Variants in HAUS6 observed in about 807,000 individuals in gnomAD.
The protein encoded by HAUS6 is HAUS augmin-like complex subunit 6.
In HAUS6, 80 loss-of-function variants were observed where a neutral mutation model predicts 106.8. The observed-to-expected ratio is 0.75, with a 90% CI of 0.63 to 0.90. The LOEUF (loss-of-function observed/expected upper bound fraction) is 0.90. Ranked by LOEUF, HAUS6 falls within the 40% of genes least tolerant of loss-of-function variation. HAUS6 has a pLI of 0.00. For missense variants in HAUS6, 1,155 were observed against 1,118.1 expected (o/e 1.03, Z -0.47); for synonymous variants, 356 against 379.1 (o/e 0.94, Z 0.71).
At chr9:19,081,152 C>G (rs1456777447) in intron 8 of HAUS6, among the ~76,000 whole-genome samples, 1 of 151,894 alleles carries the variant, frequency 6.6e-6, no homozygotes, top group East Asian at 1.9e-4. Context: ...AATTTTGGCC[C>G]AGTGAAAACT....
chr9:19,061,677 A>G (rs1023809944), intron 14 of HAUS6, among the ~76,000 whole-genome samples: 6 of 152,296 alleles, frequency 3.9e-5, no homozygotes, highest in South Asian at 4.1e-4. Context: ...TCTACAAAAA[A>G]TAAAAAACTT....
rs534828744 is a variant in HAUS6 at position 19,081,384 on chromosome 9, C to T, written c.871-712G>A. 2.0e-5 allele frequency among the ~76,000 whole-genome samples: 3 copies of T among 152,156 alleles called. No individual in the cohort carries two copies. The South Asian group carries it at 6.2e-4, about 32-fold the overall frequency. On this transcript the variant is annotated intron_variant, in intron 8 of 16. Transcript: ENST00000380502. The stretch of plus-strand genomic sequence containing the variant: ...TCTGTACTTAAATATGTTTCTTTGG[C>T]TTGCACATTTCTATGTCTTAAAATC...
intron 12 of HAUS6, among the ~76,000 whole-genome samples, chr9:19,066,553 C>T (rs528281597): frequency 1.4e-4 from 21 of 151,914 alleles, no homozygotes; most frequent in African/African-American, 2.9e-4. Flanking sequence ...GCATCATTAC[C>T]GTTAGAAATA....
chr9:19,064,787 C>T (rs1836724174), intron 12 of HAUS6, among the ~76,000 whole-genome samples: 1 of 152,226 alleles, frequency 6.6e-6, no homozygotes, highest in South Asian at 2.1e-4. Context: ...ACTGCAATCA[C>T]TCAAGCTTCA....
chr9:19,057,667 G>A (rs1231986074), intron 16 of HAUS6: 3 of 390,122 alleles, frequency 7.7e-6, no homozygotes, highest in East Asian at 7.4e-5. Context: ...CCTTCCACTG[G>A]GCAAGATTTT....
intron 5 of HAUS6, 39 bp from the exon 6 acceptor site, chr9:19,087,195 T>C: frequency 6.5e-6 from 7 of 1,072,930 alleles, no homozygotes; most frequent in Non-Finnish European, 1.0e-5. Context: ...ATAATACCAT[T>C]ACGATTAATT....
Position 19,056,167 on chromosome 9 carries a change from C to T in HAUS6, c.*176G>A, listed in dbSNP as rs906513703. The T allele has an allele frequency of 4.6e-5, 23 of 499,178 alleles. No individual in the cohort carries two copies. The highest frequency in any genetic ancestry group is 7.1e-5 in the Non-Finnish European group (20 of 281,032). 30.9% of individuals were successfully genotyped at this position (499,178 alleles called of 1,614,324 possible). A position where few individuals can be genotyped will look rare whatever the true frequency, so the allele number is the denominator to read the frequency against. On this transcript the variant is annotated 3_prime_UTR_variant, in exon 17 of 17. Transcript: ENST00000380502. ...ATATACCTACAAAGAGGAAAAAATC[C>T]AAACATACTTTCCTTACCTAAAAAT...
In HAUS6 at chr9:19,054,070, C is replaced by T. The variant is rs113936661; in HGVS notation, c.*2273G>A. ...AAAAGCGTGGATTAAGACTTCAAGA[C>T]GGAAGTGAGATTTTTTTCTGAGGCT... is the stretch of plus-strand genomic sequence containing the variant. On this transcript the variant is annotated 3_prime_UTR_variant, in exon 17 of 17. Transcript: ENST00000380502. 2.0e-5 allele frequency: 3 copies of T among 152,170 alleles called. No individual in the cohort carries two copies. Among genetic ancestry groups the T allele is most frequent in the Non-Finnish European group, 1.5e-5 (1 of 68,014 alleles). The allele number at this position is 152,170 out of a possible 1,614,324, so 9.4% of individuals were successfully genotyped here.
intron 2 of HAUS6, among the ~76,000 whole-genome samples, chr9:19,096,037 G>A (rs1294720113): frequency 1.3e-5 from 2 of 151,954 alleles, no homozygotes; most frequent in Non-Finnish European, 2.9e-5. Context: ...AAGTTCATAC[G>A]GATTGATATC....
intron 1 of HAUS6, among the ~76,000 whole-genome samples, chr9:19,101,178 T>A (rs988089309): frequency 6.6e-6 from 1 of 152,224 alleles, no homozygotes; most frequent in African/African-American, 2.4e-5. Flanking sequence ...TGTATAAGTG[T>A]ATCAAAATAT....
intron 7 of HAUS6, among the ~76,000 whole-genome samples, chr9:19,084,802 T>A (rs1375715490): frequency 6.6e-6 from 1 of 152,076 alleles, no homozygotes; most frequent in Non-Finnish European, 1.5e-5. Flanking sequence ...CAGACTACTT[T>A]TTTATTTTTG....
intron 15 of HAUS6, among the ~76,000 whole-genome samples, chr9:19,059,746 C>A (rs1366652224): frequency 6.6e-6 from 1 of 152,026 alleles, no homozygotes; most frequent in African/African-American, 2.4e-5. Context: ...CAGAACACAG[C>A]CTATGTACTC....
intron 15 of HAUS6, 43 bp downstream of exon 15, chr9:19,060,045 T>C (rs1033521802): frequency 2.6e-5 from 39 of 1,519,404 alleles, no homozygotes; most frequent in Non-Finnish European, 3.3e-5. Context: ...ACAGTGGTTA[T>C]GTCGATGAAA....
At chr9:19,100,597 G>A (rs1564024063) in intron 1 of HAUS6, among the ~76,000 whole-genome samples, 1 of 152,150 alleles carries the variant, frequency 6.6e-6, no homozygotes, top group South Asian at 2.1e-4. Flanking sequence ...CAAAAGGAAG[G>A]AGATCAGTAT....
chr9:19,077,784 G>C (rs1837043696), intron 10 of HAUS6, among the ~76,000 whole-genome samples: 2 of 152,160 alleles, frequency 1.3e-5, no homozygotes, highest in East Asian at 3.9e-4. Context: ...AATTGGCTGA[G>C]TGTAGTGGCT....
intron 1 of HAUS6, among the ~76,000 whole-genome samples, chr9:19,101,737 T>G (rs992449882): frequency 1.3e-5 from 2 of 152,096 alleles, no homozygotes; most frequent in African/African-American, 4.8e-5. Context: ...CTGGCCAACA[T>G]GGTGAAACCC....
chr9:19,080,467 T>G lies in HAUS6; in HGVS notation c.1064+12A>C, dbSNP rs1386595043. On this transcript the variant is annotated intron_variant, in intron 9 of 16. Coordinates refer to ENST00000380502, the MANE Select transcript of HAUS6 (RefSeq NM_017645.5). The stretch of plus-strand genomic sequence containing the variant: ...TCCTCCCACAGTAAAATAACAGATC[T>G]TTTTAGTGTACCTCATATGTTTCAG... 6.4e-7 allele frequency: 1 copy of G among 1,570,324 alleles called. No individual in the cohort carries two copies. Among genetic ancestry groups the G allele is most frequent in the Non-Finnish European group, 8.7e-7 (1 of 1,142,908 alleles).
intron 4 of HAUS6, among the ~76,000 whole-genome samples, chr9:19,090,606 G>A (rs59701946): frequency 1.3e-4 from 20 of 152,152 alleles, no homozygotes; most frequent in Non-Finnish European, 2.1e-4. Flanking sequence ...CTCATGATCC[G>A]CCCGCCCTGA....
chr9:19,066,490 T>C (rs1836762145), intron 12 of HAUS6, among the ~76,000 whole-genome samples: 1 of 152,114 alleles, frequency 6.6e-6, no homozygotes, highest in Non-Finnish European at 1.5e-5. Context: ...GCCCTCCTTA[T>C]CTTTGAAATG....
Sources: allele counts gnomAD v4.1 joint callset (sites outside exome capture counted in the v4.1 genomes callset), GRCh38; gene constraint gnomAD v4.1.1; transcripts MANE v1.5; gene names NCBI Gene and HGNC (gene_info 2026-07-23, HGNC 2026-07-21).